Variants in CCSER1 observed in about 807,000 individuals in gnomAD.
CCSER1 encodes serine-rich coiled-coil domain-containing protein 1.
A neutral mutation model predicts 82.0 loss-of-function variants in CCSER1; 41 were observed. That is an observed-to-expected ratio of 0.50 (90% CI 0.39 to 0.65). The LOEUF (loss-of-function observed/expected upper bound fraction) is 0.65, where lower values mean the gene tolerates loss of function less well. Among genes scored for constraint, CCSER1 ranks in the 30% least tolerant of loss-of-function variants. CCSER1 has a pLI of 0.00. For missense variants in CCSER1, 1,119 were observed against 1,064.2 expected, an observed-to-expected ratio of 1.05 and a Z score of -0.72; for synonymous variants, 414 against 383.9, an observed-to-expected ratio of 1.08 and a Z score of -0.92.
intron 9 of CCSER1, among the ~76,000 whole-genome samples, chr4:91,046,439 G>C (rs1742493950): frequency 6.6e-6 from 1 of 152,010 alleles, no homozygotes; most frequent in Admixed American, 6.6e-5. Context: ...AAAATTTTAA[G>C]TTTTAATCAT....
At position 91,576,625 on chromosome 4, in the gene CCSER1, A is replaced by G. The variant is rs187176199; in HGVS notation, c.2218-21947A>G. ...TTCAGATTTTGGAATGTTTGCATAT[A>G]CATAATGATATATTTTATGGATATG... On this transcript the variant is annotated intron_variant, in intron 10 of 10. Transcript: ENST00000509176. Among the ~76,000 whole-genome samples the G allele has an allele frequency of 1.9e-3, 296 of 152,164 alleles. 4 individuals are homozygous for G. Among genetic ancestry groups the G allele is most frequent in the African/African-American group, 6.7e-3 (280 of 41,570 alleles).
intron 8 of CCSER1, among the ~76,000 whole-genome samples, chr4:90,898,267 A>ATTTTTTTTT (rs1439532109): frequency 7.2e-5 from 4 of 55,374 alleles, no homozygotes; most frequent in Admixed American, 3.4e-4. Context: ...TCTTTAATCC[A>ATTTTTTTTT]TCTTTTTTTT....
rs1734819916 is a variant in CCSER1, at chr4:90,308,922, T to C, written c.638T>C (p.Val213Ala). The C allele has an allele frequency of 1.2e-6, 2 of 1,613,764 alleles. No homozygotes were observed. The highest frequency in any genetic ancestry group is 1.7e-6 in the Non-Finnish European group (2 of 1,179,846). ...CAACAGTCTGAATTCTCATTGGAAG[T>C]TACACAGTACCAAGAGAGAGAACCT... ...LVQQSEFSLE[V>A]TQYQEREPVL... Residue 213 changes from valine (V) to alanine (A), a missense_variant, in exon 2 of 11, where the codon GTT (valine) becomes GCT (alanine). Physicochemically the swap from Val to Ala is moderately conservative, Grantham distance 64. Transcript: ENST00000509176.
intron 4 of CCSER1, among the ~76,000 whole-genome samples, chr4:90,418,808 T>C (rs1386862535): frequency 6.6e-6 from 1 of 152,070 alleles, no homozygotes; most frequent in Non-Finnish European, 1.5e-5. Flanking sequence ...AAGTTGGAAT[T>C]AACTATGTTT....
At chr4:90,665,281 G>C (rs1731520890) in intron 6 of CCSER1, among the ~76,000 whole-genome samples, 1 of 151,898 alleles carries the variant, frequency 6.6e-6, no homozygotes, top group Non-Finnish European at 1.5e-5. Context: ...GTAATTTCGA[G>C]GTAGGGAGAG....
chr4:91,287,150 T>C (rs1743337109), intron 10 of CCSER1, among the ~76,000 whole-genome samples: 1 of 151,870 alleles, frequency 6.6e-6, no homozygotes, highest in African/African-American at 2.4e-5. Flanking sequence ...GTTTTTTTCC[T>C]ACTAAAGAGC....
At chr4:91,211,867 T>C (rs1457779793) in intron 10 of CCSER1, among the ~76,000 whole-genome samples, 1 of 152,078 alleles carries the variant, frequency 6.6e-6, no homozygotes, top group African/African-American at 2.4e-5. Flanking sequence ...CAAAGATCTC[T>C]AACAAACTCT....
At chr4:90,447,371 T>C (rs1760806952) in intron 4 of CCSER1, among the ~76,000 whole-genome samples, 1 of 152,006 alleles carries the variant, frequency 6.6e-6, no homozygotes, top group African/African-American at 2.4e-5. Context: ...TTTACTAGAA[T>C]GCATTCTCTT....
At chr4:91,230,266 C>T (rs963909475) in intron 10 of CCSER1, among the ~76,000 whole-genome samples, 4 of 151,998 alleles carry the variant, frequency 2.6e-5, no homozygotes, top group East Asian at 1.9e-4. Flanking sequence ...ATAAAATACT[C>T]ATAAATACAC....
intron 10 of CCSER1, among the ~76,000 whole-genome samples, chr4:91,356,057 G>A (rs771805293): frequency 8.5e-5 from 13 of 152,208 alleles, no homozygotes; most frequent in Non-Finnish European, 1.6e-4. Flanking sequence ...TTATGTTTAG[G>A]TTTTGCCCAA....
chr4:90,418,532 C>T lies in CCSER1; in HGVS notation c.1603+18403C>T, dbSNP rs544623572. Among the ~76,000 whole-genome samples, 7 of 151,902 alleles carry T rather than the reference C, an allele frequency of 4.6e-5. 2 individuals carry two copies. The highest frequency in any genetic ancestry group is 4.2e-4 in the South Asian group (2 of 4,814). On this transcript the variant is annotated intron_variant, in intron 4 of 10. Coordinates refer to ENST00000509176, the MANE Select transcript of CCSER1 (RefSeq NM_001145065.2). ...AGGTGCCAATTTATGAGGTAAATAA[C>T]ATCACTTTCTCATTTGAGAAAGTTG...
chr4:91,003,082 G>C (rs1045952920), intron 9 of CCSER1, among the ~76,000 whole-genome samples: 3 of 152,170 alleles, frequency 2.0e-5, no homozygotes, highest in Non-Finnish European at 4.4e-5. Context: ...TGTCTGCACA[G>C]AGTCCTGTGA....
intron 10 of CCSER1, among the ~76,000 whole-genome samples, chr4:91,457,859 A>G (rs2149427066): frequency 6.6e-6 from 1 of 152,320 alleles, no homozygotes; most frequent in East Asian, 1.9e-4. Context: ...ACATTAATTC[A>G]TAAGTTCTTT....
chr4:90,876,524 T>C (rs1410942854), intron 8 of CCSER1, among the ~76,000 whole-genome samples: 2 of 152,086 alleles, frequency 1.3e-5, no homozygotes, highest in Non-Finnish European at 2.9e-5. Context: ...AGACATAAAA[T>C]TTCAAAAACA....
At chr4:90,706,569 TC>T (rs2149304973) in intron 6 of CCSER1, among the ~76,000 whole-genome samples, 1 of 152,346 alleles carries the variant, frequency 6.6e-6, no homozygotes, top group South Asian at 2.1e-4. Context: ...TAATTAGGAT[TC>T]AGCTGTTAGG....
At chr4:90,868,370 G>A (rs1766006222) in intron 8 of CCSER1, among the ~76,000 whole-genome samples, 1 of 151,674 alleles carries the variant, frequency 6.6e-6, no homozygotes, top group African/African-American at 2.4e-5. Flanking sequence ...TCCAGCCTTC[G>A]GTTACCATCT....
intron 1 of CCSER1, among the ~76,000 whole-genome samples, chr4:90,170,854 C>G (rs1198841126): frequency 6.6e-6 from 1 of 151,852 alleles, no homozygotes; most frequent in Non-Finnish European, 1.5e-5. Flanking sequence ...CTTTGACATA[C>G]TGATTTCCTT....
At chr4:91,078,144 T>C (rs1328223145) in intron 9 of CCSER1, among the ~76,000 whole-genome samples, 7 of 152,198 alleles carry the variant, frequency 4.6e-5, no homozygotes, top group Non-Finnish European at 1.0e-4. Context: ...GACTGCCTCC[T>C]CAAGCAGGTT....
chr4:91,372,405 G>A (rs993228922), intron 10 of CCSER1, among the ~76,000 whole-genome samples: 7 of 151,994 alleles, frequency 4.6e-5, no homozygotes, highest in Non-Finnish European at 5.9e-5. Context: ...AAAATTAGAG[G>A]TAGCTCCAAG....
Sources: allele counts gnomAD v4.1 joint callset (sites outside exome capture counted in the v4.1 genomes callset), GRCh38; gene constraint gnomAD v4.1.1; transcripts MANE v1.5; gene names NCBI Gene and HGNC (gene_info 2026-07-23, HGNC 2026-07-21).